CNNM4: variants seen among roughly 807,000 people sequenced by gnomAD.
CNNM4 encodes metal transporter CNNM4.
Under a neutral mutation model 53.7 loss-of-function variants are expected in CNNM4, and 32 were observed. That is an observed-to-expected ratio of 0.60 (90% CI 0.45 to 0.80). The LOEUF (loss-of-function observed/expected upper bound fraction) is 0.80, where lower values mean the gene tolerates loss of function less well. CNNM4 is among the 30% of genes least tolerant of loss of function. The pLI is 0.00. For missense variants in CNNM4, 784 were observed against 1,022.0 expected, an observed-to-expected ratio of 0.77 and a Z score of 3.17; for synonymous variants, 410 against 440.0, an observed-to-expected ratio of 0.93 and a Z score of 0.85.
intron 1 of CNNM4, among the ~76,000 whole-genome samples, chr2:96,781,579 A>C (rs1439886913): frequency 1.3e-5 from 2 of 152,218 alleles, no homozygotes; most frequent in African/African-American, 2.4e-5. Context: ...GAGGAGCTTC[A>C]TGCCCTCTGC....
chr2:96,808,568 C>T lies in CNNM4; in HGVS notation c.1956C>T (p.Ser652=), dbSNP rs149656750. 5.0e-5 allele frequency: 80 copies of T among 1,614,022 alleles called. No individual in the cohort carries two copies. Among genetic ancestry groups the T allele is most frequent in the Middle Eastern group, 4.9e-4 (3 of 6,062 alleles). The change falls in exon 6 of 7, where the codon TCC becomes TCT. Residue 652 remains serine, a synonymous_variant. Transcript: ENST00000377075. The surrounding 1 kb of genome is among the most constrained non-coding windows in gnomAD (Gnocchi z 4.9). ...CCTCTGCTCTCCCTGCAGACCGTTCCCCAGCACACCCCACCCCACTCAGCC... is the reference window on the plus strand; with the variant it reads ...CCTCTGCTCTCCCTGCAGACCGTTCTCCAGCACACCCCACCCCACTCAGCC... ...MALTSVPSDR[S]PAHPTPLSRS...
chr2:96,797,542 GAGA>G lies in CNNM4; in HGVS notation c.1581_1583del (p.Lys527del), dbSNP rs762522792. On this transcript the variant is annotated inframe_deletion, in exon 3 of 7. Transcript: ENST00000377075. This position sits in a 1 kb window ranked among gnomAD's most constrained non-coding sequence, Gnocchi z 6.0. ...CAACCGAAGCCGGAAGCGGGTGTCT[GAGA>G]AGAACAAGCGTGACTTCTCTGCCTT... The G allele has an allele frequency of 1.9e-5, 30 of 1,614,086 alleles. No homozygotes were observed. The highest frequency in any genetic ancestry group is 2.5e-5 in the Non-Finnish European group (29 of 1,180,044).
Position 96,808,608 on chromosome 2 carries a change from A to C in CNNM4, c.1996A>C (p.Ser666Arg). The part of the protein sequence containing the change: ...PTPLSRSASL[S>R]YPDRTDVSTA... Reference sequence around the variant, plus strand: ...CCCACTCAGCCGCTCAGCCTCCCTCAGTTACCCAGACCGCACAGACGTCTC... The same window carrying C: ...CCCACTCAGCCGCTCAGCCTCCCTCCGTTACCCAGACCGCACAGACGTCTC... Residue 666 changes from serine (S) to arginine (R), a missense_variant, in exon 6 of 7, where the codon AGT becomes CGT. Around this residue, in one of 3 missense-constraint regions of CNNM4, gnomAD observed 307 missense variants for 376.3 expected, o/e 0.82. Coordinates refer to ENST00000377075, the MANE Select transcript of CNNM4 (RefSeq NM_020184.4). The surrounding 1 kb of genome is among the most constrained non-coding windows in gnomAD (Gnocchi z 4.9). 6.2e-7 allele frequency: 1 copy of C among 1,614,062 alleles called. No homozygotes were observed. The highest frequency in any genetic ancestry group is 8.5e-7 in the Non-Finnish European group (1 of 1,179,998).
At chr2:96,771,774 T>A (rs183030811) in intron 1 of CNNM4, among the ~76,000 whole-genome samples, 7 of 151,892 alleles carry the variant, frequency 4.6e-5, no homozygotes, top group Admixed American at 3.9e-4. Context: ...ACAGTTTAGA[T>A]GGGTTCTTCA....
Position 96,797,446 on chromosome 2 carries a change from C to A in CNNM4, c.1547-67C>A. ...GGGCTGGAGAGCAGGAGCTGCGGGG[C>A]GGGTTCCAGTCTCTTCCTAAGTCCT... On this transcript the variant is annotated intron_variant, in intron 2 of 6. Transcript: ENST00000377075. This position sits in a 1 kb window ranked among gnomAD's most constrained non-coding sequence, Gnocchi z 6.0. 1.3e-6 allele frequency: 2 copies of A among 1,597,084 alleles called. No homozygotes were observed. Among genetic ancestry groups the A allele is most frequent in the Admixed American group, 3.3e-5 (2 of 60,018 alleles).
At chr2:96,777,402 G>A (rs2153346105) in intron 1 of CNNM4, among the ~76,000 whole-genome samples, 1 of 152,256 alleles carries the variant, frequency 6.6e-6, no homozygotes, top group South Asian at 2.1e-4. Context: ...GCTGGATGCA[G>A]TGATGCAATC....
Position 96,809,482 on chromosome 2 carries a change from T to C in CNNM4, c.2293T>C (p.Leu765=). Residue 765 remains leucine (L), a synonymous_variant, in exon 7 of 7, where the codon TTG becomes CTG. Coordinates refer to ENST00000377075, the MANE Select transcript of CNNM4 (RefSeq NM_020184.4). Reference sequence around the variant, plus strand: ...AACTCTTCTCAACGAGCGTAACTCCTTGCTGCACAAAGCCTCCCACGAGAA... The same window carrying C: ...AACTCTTCTCAACGAGCGTAACTCCCTGCTGCACAAAGCCTCCCACGAGAA... ...TTTLLNERNS[L]LHKASHENAI 6.2e-7 allele frequency: 1 copy of C among 1,614,216 alleles called. No homozygotes were observed. The highest frequency in any genetic ancestry group is 8.5e-7 in the Non-Finnish European group (1 of 1,180,024).
chr2:96,775,565 C>T (rs941221867), intron 1 of CNNM4, among the ~76,000 whole-genome samples: 6 of 152,150 alleles, frequency 3.9e-5, no homozygotes, highest in South Asian at 2.1e-4. Context: ...TGCCCGGGAA[C>T]GGAATTGCTA....
rs952371114 is a variant in CNNM4 at position 96,811,591 on chromosome 2, T to C, written c.*2074T>C. 49 of 152,780 alleles carry C rather than the reference T, an allele frequency of 3.2e-4. No individual in the cohort carries two copies. Among genetic ancestry groups the C allele is most frequent in the African/African-American group, 1.1e-3 (45 of 41,576 alleles). 9.5% of individuals were successfully genotyped at this position (152,780 alleles called of 1,614,324 possible). A position where few individuals can be genotyped will look rare whatever the true frequency, so the allele number is the denominator to read the frequency against. ...CCTTCCTATTTCAACCTCTGGTTCC[T>C]GGGATGAGCCATACCCTGGAACTGG... On this transcript the variant is annotated 3_prime_UTR_variant, in exon 7 of 7. Coordinates refer to ENST00000377075, the MANE Select transcript of CNNM4 (RefSeq NM_020184.4).
Position 96,762,547 on chromosome 2 carries a change from A to G in CNNM4, c.1402+146A>G, listed in dbSNP as rs2078775454. The G allele has an allele frequency of 1.5e-5, 12 of 812,644 alleles. No individual in the cohort carries two copies. In the South Asian group the frequency reaches 1.6e-4, roughly 11 times the overall value. The allele number at this position is 812,644 out of a possible 1,614,324, so 50.3% of individuals were successfully genotyped here. A position where few individuals can be genotyped will look rare whatever the true frequency, so the allele number is the denominator to read the frequency against. ...GCTTCCTATGCTTCTGAGGTGAACG[A>G]TTTTGGAGCGGTAGACCCATTCTCA... On this transcript the variant is annotated intron_variant, in intron 1 of 6. Transcript: ENST00000377075.
Position 96,809,580 on chromosome 2 carries a change from G to T in CNNM4, c.*63G>T, listed in dbSNP as rs2079240087. 1 of 1,425,226 alleles carries T rather than the reference G, an allele frequency of 7.0e-7. No individual in the cohort carries two copies. Among genetic ancestry groups the T allele is most frequent in the Non-Finnish European group, 9.9e-7 (1 of 1,012,286 alleles). The allele number at this position is 1,425,226 out of a possible 1,614,324, so 88.3% of individuals were successfully genotyped here. ...CCTCCCCAGTGGGCCCACATGAAGA[G>T]AGGGAACCTGTTAGTCCAGAAAGGA... On this transcript the variant is annotated 3_prime_UTR_variant, in exon 7 of 7. Transcript: ENST00000377075.
At chr2:96,806,506 A>AAC (rs151020163) in intron 5 of CNNM4, among the ~76,000 whole-genome samples, 13,330 of 135,204 alleles carry the variant, frequency 0.099, 829 homozygotes, top group African/African-American at 0.16. Flanking sequence ...CTAGCTATCC[A>AAC]ACACACACAC....
chr2:96,761,763 C>A lies in CNNM4; in HGVS notation c.764C>A (p.Thr255Asn). Residue 255 changes from threonine (T) to asparagine (N), a missense_variant, in exon 1 of 7, where the codon ACC becomes AAC. Coordinates refer to ENST00000377075, the MANE Select transcript of CNNM4 (RefSeq NM_020184.4). The surrounding 1 kb of genome is among the most constrained non-coding windows in gnomAD (Gnocchi z 6.0). ...CTCCTAGGGAACGTGCTGGTCAACACCTCCCTCACAATCCTTCTAGACAAC... is the reference window on the plus strand; with the variant it reads ...CTCCTAGGGAACGTGCTGGTCAACAACTCCCTCACAATCCTTCTAGACAAC... ...SLLLGNVLVNTSLTILLDNLI... is the reference protein window; with the variant it reads ...SLLLGNVLVNNSLTILLDNLI... The A allele has an allele frequency of 6.2e-7, 1 of 1,611,962 alleles. No homozygotes were observed. Among genetic ancestry groups the A allele is most frequent in the Non-Finnish European group, 8.5e-7 (1 of 1,180,028 alleles).
rs1203321033 is a variant in CNNM4, at chr2:96,800,444, T to C, written c.1948+796T>C. Among the ~76,000 whole-genome samples the C allele has an allele frequency of 6.6e-6, 1 of 152,246 alleles. No homozygotes were observed. Among genetic ancestry groups the C allele is most frequent in the Non-Finnish European group, 1.5e-5 (1 of 68,030 alleles). On this transcript the variant is annotated intron_variant, in intron 5 of 6. Transcript: ENST00000377075. The surrounding 1 kb of genome is among the most constrained non-coding windows in gnomAD (Gnocchi z 4.6). ...TGCAGCTCCCAGAGAACCTCTGTGC[T>C]GTGCCTCTCACTGTCCTTTGACAAA...
rs2079227671 is a variant in CNNM4, at chr2:96,808,448, C to T, written c.1949-113C>T. The stretch of plus-strand genomic sequence containing the variant: ...TGCTTCTGTTTGTCCCTAAGAATGA[C>T]TTCCTGTTCCTGGGTGGGGTGTCCC... On this transcript the variant is annotated intron_variant, in intron 5 of 6. Transcript: ENST00000377075. The surrounding 1 kb of genome is among the most constrained non-coding windows in gnomAD (Gnocchi z 4.9). 1 of 1,046,530 alleles carries T rather than the reference C, an allele frequency of 9.6e-7. No homozygotes were observed. Among genetic ancestry groups the T allele is most frequent in the Non-Finnish European group, 1.5e-6 (1 of 684,716 alleles). The allele number at this position is 1,046,530 out of a possible 1,614,324, so 64.8% of individuals were successfully genotyped here. A position where few individuals can be genotyped will look rare whatever the true frequency, so the allele number is the denominator to read the frequency against.
intron 1 of CNNM4, among the ~76,000 whole-genome samples, chr2:96,774,457 CAG>C (rs2078906612): frequency 6.6e-6 from 1 of 152,062 alleles, no homozygotes; most frequent in African/African-American, 2.4e-5. Context: ...AAAGAACGAA[CAG>C]GGGAAATGCC....
Position 96,797,459 on chromosome 2 carries a change from C to T in CNNM4, c.1547-54C>T, listed in dbSNP as rs533422573. On this transcript the variant is annotated intron_variant, in intron 2 of 6. Transcript: ENST00000377075. This position sits in a 1 kb window ranked among gnomAD's most constrained non-coding sequence, Gnocchi z 6.0. ...GGAGCTGCGGGGCGGGTTCCAGTCTCTTCCTAAGTCCTCAGGGGTCTGTGT... is the reference window on the plus strand; with the variant it reads ...GGAGCTGCGGGGCGGGTTCCAGTCTTTTCCTAAGTCCTCAGGGGTCTGTGT... 1.2e-6 allele frequency: 2 copies of T among 1,608,510 alleles called. No individual in the cohort carries two copies. The highest frequency in any genetic ancestry group is 1.7e-5 in the Admixed American group (1 of 60,032).
At chr2:96,802,287 G>A (rs574569779) in intron 5 of CNNM4, among the ~76,000 whole-genome samples, 173 of 152,264 alleles carry the variant, frequency 1.1e-3, no homozygotes, top group Non-Finnish European at 2.0e-3. Context: ...GGGAGTGGAG[G>A]GTTGCTCCTG....
intron 1 of CNNM4, among the ~76,000 whole-genome samples, chr2:96,792,027 G>T (rs768663819): frequency 6.6e-6 from 1 of 151,936 alleles, no homozygotes; most frequent in Non-Finnish European, 1.5e-5. Flanking sequence ...GCCGAGGTGG[G>T]CTGAACACTT....
Sources: allele counts gnomAD v4.1 joint callset (sites outside exome capture counted in the v4.1 genomes callset), GRCh38; gene constraint gnomAD v4.1.1; regional missense constraint gnomAD v4.1.1; non-coding constraint Gnocchi (gnomAD v3.1); transcripts MANE v1.5; gene names NCBI Gene and HGNC (gene_info 2026-07-23, HGNC 2026-07-21).